SHROOM3: variants seen among roughly 807,000 people sequenced by gnomAD.
SHROOM3 encodes protein Shroom3.
A neutral mutation model predicts 138.6 loss-of-function variants in SHROOM3; 47 were observed. The ratio of observed to expected loss-of-function variants is 0.34; its 90% CI spans 0.27 to 0.43. The LOEUF (loss-of-function observed/expected upper bound fraction) is 0.43, where lower values mean the gene tolerates loss of function less well. Ranked by LOEUF, SHROOM3 falls within the 20% of genes least tolerant of loss-of-function variation. SHROOM3 has a pLI of 1.00. For synonymous variants in SHROOM3, 1,062 were observed against 1,063.3 expected (o/e 1.00, Z 0.02); for missense variants, 2,491 against 2,596.5 (o/e 0.96, Z 0.88).
chr4:76,655,466 G>A (rs1306366619), intron 2 of SHROOM3, among the ~76,000 whole-genome samples: 2 of 152,152 alleles, frequency 1.3e-5, no homozygotes, highest in East Asian at 1.9e-4. Context: ...ATGTGACCAC[G>A]ACCAAGAAAG....
intron 10 of SHROOM3, among the ~76,000 whole-genome samples, chr4:76,775,900 C>T (rs2109797830): frequency 6.6e-6 from 1 of 151,574 alleles, no homozygotes; most frequent in South Asian, 2.1e-4. Flanking sequence ...TGGGCTGGTT[C>T]CCTTTTTTGC....
intron 1 of SHROOM3, among the ~76,000 whole-genome samples, chr4:76,463,842 C>T (rs1400441838): frequency 1.3e-5 from 2 of 152,354 alleles, no homozygotes; most frequent in African/African-American, 4.8e-5. Context: ...CCTGTGGGTG[C>T]ACAGAGGGCA....
At chr4:76,470,545 TGA>T (rs1487739229) in intron 1 of SHROOM3, among the ~76,000 whole-genome samples, 1 of 152,018 alleles carries the variant, frequency 6.6e-6, no homozygotes, top group African/African-American at 2.4e-5. Flanking sequence ...TTTGATGGGG[TGA>T]GAGTTTTTCA....
chr4:76,555,786 G>A (rs750573673), intron 2 of SHROOM3, 23 bp downstream of exon 2: 2 of 1,607,948 alleles, frequency 1.2e-6, no homozygotes, highest in African/African-American at 2.7e-5. Context: ...CCCCCACCCT[G>A]TCCCTCCTAC....
intron 1 of SHROOM3, among the ~76,000 whole-genome samples, chr4:76,461,119 A>T (rs1162288469): frequency 1.3e-5 from 2 of 152,216 alleles, no homozygotes; most frequent in Admixed American, 6.5e-5. Flanking sequence ...ATCTCTAAAA[A>T]GTCACATCTG....
chr4:76,672,945 A>T (rs1481288884), intron 2 of SHROOM3, among the ~76,000 whole-genome samples: 2 of 152,228 alleles, frequency 1.3e-5, no homozygotes, highest in Admixed American at 6.5e-5. Flanking sequence ...CCCTTAAAAA[A>T]GTTCTCTTCC....
At chr4:76,766,448 G>A (rs539053660) in intron 9 of SHROOM3, among the ~76,000 whole-genome samples, 16 of 152,316 alleles carry the variant, frequency 1.1e-4, no homozygotes, top group Admixed American at 6.5e-4. Context: ...GTGGGAGGCA[G>A]GGTCTATGAA....
intron 1 of SHROOM3, among the ~76,000 whole-genome samples, chr4:76,544,094 C>T (rs1286236607): frequency 6.6e-6 from 1 of 152,110 alleles, no homozygotes; most frequent in Non-Finnish European, 1.5e-5. Flanking sequence ...TTCTAGTTTG[C>T]TTTTGCCATC....
Position 76,596,524 on chromosome 4 carries a change from T to A in SHROOM3, c.323+40761T>A, listed in dbSNP as rs144526717. 6.7e-4 allele frequency among the ~76,000 whole-genome samples: 102 copies of A among 151,766 alleles called. 1 individual carries two copies. Among genetic ancestry groups the A allele is most frequent in the Middle Eastern group, 6.8e-3 (2 of 294 alleles). ...AGGCATTTCTGGTCACATATCCCCATCATTCAGCAATGCATGACTGTGTCT... is the reference window on the plus strand; with the variant it reads ...AGGCATTTCTGGTCACATATCCCCAACATTCAGCAATGCATGACTGTGTCT... On this transcript the variant is annotated intron_variant, in intron 2 of 10. Coordinates refer to ENST00000296043, the MANE Select transcript of SHROOM3 (RefSeq NM_020859.4).
chr4:76,642,235 CTT>C (rs1423624020), intron 2 of SHROOM3, among the ~76,000 whole-genome samples: 2 of 152,180 alleles, frequency 1.3e-5, no homozygotes, highest in Non-Finnish European at 1.5e-5. Context: ...GGCAAGGACT[CTT>C]TGTCTTCCTC....
chr4:76,646,215 A>ATAAT (rs1317881350), intron 2 of SHROOM3, among the ~76,000 whole-genome samples: 2 of 76,784 alleles, frequency 2.6e-5, no homozygotes, highest in East Asian at 1.6e-3. Context: ...AACTTAAAGT[A>ATAAT]TAATAAATAA....
At chr4:76,535,601 G>A (rs1732934650) in intron 1 of SHROOM3, among the ~76,000 whole-genome samples, 1 of 152,144 alleles carries the variant, frequency 6.6e-6, no homozygotes, top group Non-Finnish European at 1.5e-5. Context: ...GAAACCAGAT[G>A]TGCCCAAACA....
At chr4:76,615,093 T>A (rs886281422) in intron 2 of SHROOM3, among the ~76,000 whole-genome samples, 33 of 152,272 alleles carry the variant, frequency 2.2e-4, no homozygotes, top group Middle Eastern at 3.4e-3. Flanking sequence ...GGAGCATGGA[T>A]ACAAAAGCAG....
At chr4:76,699,569 T>C (rs1719845708) in intron 2 of SHROOM3, among the ~76,000 whole-genome samples, 1 of 152,212 alleles carries the variant, frequency 6.6e-6, no homozygotes, top group African/African-American at 2.4e-5. Flanking sequence ...ATAGGGTATG[T>C]ATATATGGCC....
chr4:76,513,201 C>T (rs1307272781), intron 1 of SHROOM3, among the ~76,000 whole-genome samples: 1 of 152,118 alleles, frequency 6.6e-6, no homozygotes, highest in African/African-American at 2.4e-5. Flanking sequence ...AGAGGTTTTA[C>T]ATGTATGCTT....
intron 2 of SHROOM3, among the ~76,000 whole-genome samples, chr4:76,624,335 T>C (rs1577927097): frequency 6.6e-6 from 1 of 152,166 alleles, no homozygotes; most frequent in African/African-American, 2.4e-5. Context: ...CTCTTGGTCT[T>C]GTGGCTTTAA....
chr4:76,767,318 G>C (rs893449957), intron 9 of SHROOM3, among the ~76,000 whole-genome samples: 4 of 152,166 alleles, frequency 2.6e-5, no homozygotes, highest in Admixed American at 6.5e-5. Context: ...CCACATGTGA[G>C]AGCAAACTAC....
At chr4:76,695,425 G>A (rs1301109309) in intron 2 of SHROOM3, among the ~76,000 whole-genome samples, 1 of 152,182 alleles carries the variant, frequency 6.6e-6, no homozygotes, top group Non-Finnish European at 1.5e-5. Context: ...AAATAGCAAG[G>A]TAAGAAATGT....
intron 3 of SHROOM3, among the ~76,000 whole-genome samples, chr4:76,729,604 A>G (rs1304747372): frequency 6.6e-6 from 1 of 152,304 alleles, no homozygotes; most frequent in East Asian, 1.9e-4. Flanking sequence ...GATGCAGTTA[A>G]TCCAGCCTCT....
Sources: gnomAD v4.1 joint callset for allele counts (sites outside exome capture counted in the v4.1 genomes callset) on GRCh38, gnomAD v4.1.1 for gene constraint, MANE v1.5 for transcripts, NCBI Gene and HGNC (gene_info 2026-07-23, HGNC 2026-07-21) for gene names.